TUSC3: variants seen among roughly 807,000 people sequenced by gnomAD.
TUSC3 encodes the protein dolichyl-diphosphooligosaccharide--protein glycosyltransferase subunit TUSC3.
A neutral mutation model predicts 44.8 loss-of-function variants in TUSC3; 45 were observed. That is an observed-to-expected ratio of 1.00 (90% CI 0.79 to 1.29). The LOEUF (loss-of-function observed/expected upper bound fraction) is 1.29, where lower values mean the gene tolerates loss of function less well. TUSC3 is among the 50% of genes most tolerant of loss of function. The pLI is 0.00. For missense variants in TUSC3, 519 were observed against 437.9 expected (o/e 1.19, Z -1.65); for synonymous variants, 212 against 152.9 (o/e 1.39, Z -2.85).
chr8:15,624,886 TCTC>T (rs1265878805), intron 2 of TUSC3, among the ~76,000 whole-genome samples: 2 of 152,154 alleles, frequency 1.3e-5, no homozygotes, highest in Admixed American at 6.5e-5. Flanking sequence ...CCAAAGATCT[TCTC>T]CTGTTTTTTT....
intron 1 of TUSC3, among the ~76,000 whole-genome samples, chr8:15,545,269 T>G (rs2129134318): frequency 6.6e-6 from 1 of 151,720 alleles, no homozygotes; most frequent in Non-Finnish European, 1.5e-5. Context: ...TTTGTACTGG[T>G]TCCTTGAGCT....
At chr8:15,420,100 C>T (rs946026706) in intron 1 of TUSC3, among the ~76,000 whole-genome samples, 1 of 152,070 alleles carries the variant, frequency 6.6e-6, no homozygotes, top group African/African-American at 2.4e-5. Context: ...AAAGCTTATG[C>T]ATACACACTT....
At position 15,509,362 on chromosome 8, in the gene TUSC3, G is replaced by T. The variant is rs75825372; in HGVS notation, n.189+25879G>T. Among the ~76,000 whole-genome samples the T allele has an allele frequency of 5.9e-5, 9 of 152,196 alleles. No homozygotes were observed. The South Asian group carries it at 1.9e-3, about 32-fold the overall frequency. On this transcript the variant is annotated intron_variant and non_coding_transcript_variant, in intron 2 of 5. Transcript: ENST00000503191. ...GATGGCTCATGCCTGTAATCCGAAC[G>T]CTTTGGGAGGCCAAGGCAGGCAAAT...
chr8:15,479,234 G>T (rs1035058699), intron 1 of TUSC3, among the ~76,000 whole-genome samples: 5 of 152,268 alleles, frequency 3.3e-5, no homozygotes, highest in Admixed American at 2.6e-4. Context: ...TCTGTAGGTT[G>T]TCTGTTTACT....
intron 1 of TUSC3, among the ~76,000 whole-genome samples, chr8:15,446,311 C>T (rs963300746): frequency 6.6e-6 from 1 of 151,578 alleles, no homozygotes; most frequent in Non-Finnish European, 1.5e-5. Flanking sequence ...ATGCTCCTTA[C>T]TTCCCAGACG....
chr8:15,630,061 G>T (rs1444552326), intron 2 of TUSC3, among the ~76,000 whole-genome samples: 1 of 151,914 alleles, frequency 6.6e-6, no homozygotes, highest in Non-Finnish European at 1.5e-5. Flanking sequence ...CTTCATAATT[G>T]CTAACTCTTT....
chr8:15,579,102 G>C (rs556938699), intron 1 of TUSC3, among the ~76,000 whole-genome samples: 3 of 151,868 alleles, frequency 2.0e-5, no homozygotes, highest in Non-Finnish European at 4.4e-5. Flanking sequence ...GTTTATTTGC[G>C]TAGAGGTGTT....
At chr8:15,459,595 T>G (rs1461104054) in intron 1 of TUSC3, among the ~76,000 whole-genome samples, 2 of 152,082 alleles carry the variant, frequency 1.3e-5, no homozygotes, top group Admixed American at 1.3e-4. Flanking sequence ...GCACCCTATT[T>G]GTAGTCTTTT....
the TUSC3 span, among the ~76,000 whole-genome samples, chr8:15,800,648 A>G: frequency 6.6e-6 from 1 of 152,008 alleles, no homozygotes; most frequent in Non-Finnish European, 1.5e-5. Context: ...TACTGATTTT[A>G]TGACTACTTA....
At chr8:15,423,921 AG>A (rs1342317121) in intron 1 of TUSC3, among the ~76,000 whole-genome samples, 1 of 146,554 alleles carries the variant, frequency 6.8e-6, no homozygotes, top group East Asian at 2.1e-4. Flanking sequence ...GGATGTTTCC[AG>A]GAAAGTCTTC....
the TUSC3 span, among the ~76,000 whole-genome samples, chr8:15,836,234 G>A: frequency 4.0e-5 from 6 of 151,714 alleles, no homozygotes; most frequent in African/African-American, 1.5e-4. Flanking sequence ...CCAGCACTTT[G>A]GGAGGCTAAG....
chr8:15,704,648 T>G (rs1293650002), intron 6 of TUSC3, among the ~76,000 whole-genome samples: 2 of 151,968 alleles, frequency 1.3e-5, no homozygotes, highest in Non-Finnish European at 2.9e-5. Context: ...TTTTTTTTCC[T>G]TTTCTTTTTC....
the TUSC3 span, among the ~76,000 whole-genome samples, chr8:15,812,200 A>G: frequency 5.0e-4 from 76 of 152,352 alleles, no homozygotes; most frequent in African/African-American, 1.8e-3. Context: ...CTATAAACAA[A>G]TAAGTACTCA....
At chr8:15,471,853 G>C (rs533104821) in intron 1 of TUSC3, among the ~76,000 whole-genome samples, 7 of 152,158 alleles carry the variant, frequency 4.6e-5, no homozygotes, top group African/African-American at 1.7e-4. Flanking sequence ...CCTGACCTCA[G>C]GTGATCCACC....
At chr8:15,683,464 T>C (rs983615100) in intron 6 of TUSC3, among the ~76,000 whole-genome samples, 3 of 152,080 alleles carry the variant, frequency 2.0e-5, no homozygotes, top group African/African-American at 4.8e-5. Context: ...AATTTGAAAT[T>C]CCTATGGTGG....
chr8:15,501,744 C>T (rs1041004439), intron 2 of TUSC3, among the ~76,000 whole-genome samples: 5 of 152,198 alleles, frequency 3.3e-5, no homozygotes, highest in Non-Finnish European at 7.3e-5. Context: ...ATAACACTTA[C>T]TGAGTGCTTA....
At chr8:15,459,464 G>A (rs986657837) in intron 1 of TUSC3, among the ~76,000 whole-genome samples, 3 of 151,844 alleles carry the variant, frequency 2.0e-5, no homozygotes, top group African/African-American at 7.3e-5. Context: ...TGCTTTATTT[G>A]ATAATATTTT....
chr8:15,551,086 C>T (rs1171898703), intron 1 of TUSC3, among the ~76,000 whole-genome samples: 2 of 151,652 alleles, frequency 1.3e-5, no homozygotes, highest in Non-Finnish European at 2.9e-5. Flanking sequence ...CAGCAGTTGT[C>T]CTCAAATGTA....
At chr8:15,839,038 C>A in the TUSC3 span, among the ~76,000 whole-genome samples, 1 of 152,070 alleles carries the variant, frequency 6.6e-6, no homozygotes. Context: ...TTTCACTGAG[C>A]AGTGGTTTGT....
Sources: gnomAD v4.1 joint callset for allele counts (sites outside exome capture counted in the v4.1 genomes callset) on GRCh38, gnomAD v4.1.1 for gene constraint, MANE v1.5 for transcripts, NCBI Gene and HGNC (gene_info 2026-07-23, HGNC 2026-07-21) for gene names.